Variants in HSD17B14 observed in about 807,000 individuals in gnomAD.
HSD17B14 encodes L-fucose dehydrogenase.
HSD17B14 carries 32 observed loss-of-function variants against 32.2 expected under a neutral mutation model. The observed-to-expected ratio is 0.99, with a 90% CI of 0.75 to 1.33. The LOEUF is 1.33. Among genes scored for constraint, HSD17B14 ranks in the 40% most tolerant of loss-of-function variants. The pLI is 0.00. For missense variants in HSD17B14, 370 were observed against 366.5 expected, an observed-to-expected ratio of 1.01 and a Z score of -0.08; for synonymous variants, 140 against 155.4, an observed-to-expected ratio of 0.90 and a Z score of 0.74.
chr19:48,833,857 G>A (rs2035394567), intron 3 of HSD17B14, among the ~76,000 whole-genome samples: 1 of 151,456 alleles, frequency 6.6e-6, no homozygotes, highest in South Asian at 2.1e-4. Flanking sequence ...GGGCATGGTG[G>A]CGCACACCTG....
intron 2 of HSD17B14, among the ~76,000 whole-genome samples, chr19:48,835,556 G>A (rs1269154784): frequency 5.5e-5 from 8 of 144,584 alleles, no homozygotes; most frequent in African/African-American, 2.1e-4. Context: ...AGGAGGTGCC[G>A]GAGCCTGGAC....
chr19:48,817,354 T>C (rs2035074718), intron 5 of HSD17B14, among the ~76,000 whole-genome samples: 1 of 150,540 alleles, frequency 6.6e-6, no homozygotes, highest in Non-Finnish European at 1.5e-5. Context: ...ATTTTTGTAT[T>C]TTTTAGTAGA....
intron 5 of HSD17B14, among the ~76,000 whole-genome samples, chr19:48,825,860 A>T (rs941772733): frequency 1.3e-5 from 2 of 151,420 alleles, no homozygotes; most frequent in African/African-American, 4.9e-5. Flanking sequence ...TTGCTCTGTC[A>T]CCCAGGCTGG....
chr19:48,834,421 T>G (rs547495933), intron 2 of HSD17B14, 63 bp from the exon 3 acceptor site: 4 of 978,364 alleles, frequency 4.1e-6, no homozygotes, highest in Non-Finnish European at 6.1e-6. Context: ...GGTTGGGGAC[T>G]TGGACTCCTG....
chr19:48,816,779 T>TTTTCTTTTTCTTTCTTTCTTTCTTTC (rs1555775883), intron 5 of HSD17B14, among the ~76,000 whole-genome samples: 1 of 122,180 alleles, frequency 8.2e-6, no homozygotes, highest in Non-Finnish European at 1.7e-5. Context: ...GCAAGACCCT[T>TTTTCTTTTTCTTTCTTTCTTTCTTTC]TTTCTTTCTT....
chr19:48,835,892 T>A, intron 1 of HSD17B14, 49 bp from the exon 2 acceptor site: 1 of 1,582,570 alleles, frequency 6.3e-7, no homozygotes, highest in East Asian at 2.2e-5. Context: ...GGTTAAAGCC[T>A]CTGCCGCCCT....
chr19:48,816,779 T>TTTTCTTTCTCTTTCTTTCTTTC (rs2035058113), intron 5 of HSD17B14, among the ~76,000 whole-genome samples: 3 of 122,180 alleles, frequency 2.5e-5, no homozygotes, highest in Non-Finnish European at 5.0e-5. Context: ...GCAAGACCCT[T>TTTTCTTTCTCTTTCTTTCTTTC]TTTCTTTCTT....
At position 48,832,651 on chromosome 19, in the gene HSD17B14, G is replaced by T; in HGVS notation, c.277+15C>A. On this transcript the variant is annotated intron_variant, in intron 4 of 8. Coordinates refer to ENST00000263278, the MANE Select transcript of HSD17B14 (RefSeq NM_016246.3). Reference sequence around the variant, plus strand: ...GGCAGGAGGTGGAGAATGGCCCTGGGGTCTCACAACTCACGGTGGCCAGCG... The same window carrying T: ...GGCAGGAGGTGGAGAATGGCCCTGGTGTCTCACAACTCACGGTGGCCAGCG... 6.2e-7 allele frequency: 1 copy of T among 1,611,094 alleles called. No individual in the cohort carries two copies.
At chr19:48,835,446 A>G (rs1170990136) in intron 2 of HSD17B14, among the ~76,000 whole-genome samples, 19 of 77,506 alleles carry the variant, frequency 2.5e-4, no homozygotes, top group Non-Finnish European at 1.8e-4. Context: ...AGGAGGTGCC[A>G]GAGCCTGGAC....
intron 5 of HSD17B14, among the ~76,000 whole-genome samples, chr19:48,825,604 T>TA (rs1432373021): frequency 2.0e-5 from 3 of 151,722 alleles, no homozygotes; most frequent in Admixed American, 6.6e-5. Flanking sequence ...TAAATATTGA[T>TA]AAGAGTTTCA....
chr19:48,834,713 A>G (rs374391105), intron 2 of HSD17B14, among the ~76,000 whole-genome samples: 46 of 43,640 alleles, frequency 1.1e-3, no homozygotes, highest in African/African-American at 2.5e-3. Context: ...AAGGGCTGGG[A>G]GCCTGGACTC....
chr19:48,823,892 A>G (rs2035199576), intron 5 of HSD17B14, among the ~76,000 whole-genome samples: 1 of 149,492 alleles, frequency 6.7e-6, no homozygotes, highest in South Asian at 2.2e-4. Context: ...CCGCCCGCCT[A>G]GGCCTCCCAA....
chr19:48,832,847 G>A lies in HSD17B14; in HGVS notation c.211-115C>T, dbSNP rs2035369121. On this transcript the variant is annotated intron_variant, in intron 3 of 8. Coordinates refer to ENST00000263278, the MANE Select transcript of HSD17B14 (RefSeq NM_016246.3). ...TGGCTCACTGCAACTTCAGCCTCCT[G>A]CGTTCAAGCAACTCTCCTACCTCAG... 8.3e-6 allele frequency: 7 copies of A among 845,024 alleles called. 1 individual carries two copies. The South Asian group carries it at 8.9e-5, about 11-fold the overall frequency. The allele number at this position is 845,024 out of a possible 1,614,324, so 52.3% of individuals were successfully genotyped here. A position where few individuals can be genotyped will look rare whatever the true frequency, so the allele number is the denominator to read the frequency against.
At chr19:48,819,900 C>A (rs2035117513) in intron 5 of HSD17B14, among the ~76,000 whole-genome samples, 1 of 152,200 alleles carries the variant, frequency 6.6e-6, no homozygotes, top group Admixed American at 6.5e-5. Flanking sequence ...GTAATCCCAG[C>A]ATCTGGGGAG....
At chr19:48,835,596 ACCTGGACTCCTGGGTCTGAGG>A (rs2035484517) in intron 2 of HSD17B14, among the ~76,000 whole-genome samples, 188 bp downstream of exon 2, 8 of 64,826 alleles carry the variant, frequency 1.2e-4, no homozygotes, top group Non-Finnish European at 1.6e-4. Flanking sequence ...GGGGCTGGGG[ACCTGGACTCCTGGGTCTGAGG>A]GCAGAGGGGC....
At chr19:48,816,578 C>G (rs902323581) in intron 5 of HSD17B14, among the ~76,000 whole-genome samples, 2 of 152,104 alleles carry the variant, frequency 1.3e-5, no homozygotes, top group Non-Finnish European at 2.9e-5. Context: ...GGGGACTTTC[C>G]TGGGTAAACA....
Position 48,834,377 on chromosome 19 carries a change from T to C in HSD17B14, c.128-19A>G. 1 of 1,594,132 alleles carries C rather than the reference T, an allele frequency of 6.3e-7. No homozygotes were observed. Among genetic ancestry groups the C allele is most frequent in the Non-Finnish European group, 8.6e-7 (1 of 1,164,634 alleles). ...CCAGACTCTGCAGGGAGAGAAGAGC[T>C]GGGAGCCTGGACCCCTGGGTCTCAG... On this transcript the variant is annotated intron_variant, in intron 2 of 8. Transcript: ENST00000263278.
At chr19:48,818,665 C>T (rs1263605511) in intron 5 of HSD17B14, among the ~76,000 whole-genome samples, 1 of 152,178 alleles carries the variant, frequency 6.6e-6, no homozygotes, top group African/African-American at 2.4e-5. Flanking sequence ...TGTCCTTCTC[C>T]CCACACCCCT....
intron 5 of HSD17B14, among the ~76,000 whole-genome samples, chr19:48,826,143 A>G (rs976202700): frequency 6.6e-6 from 1 of 152,008 alleles, no homozygotes; most frequent in Admixed American, 6.6e-5. Flanking sequence ...TTTCTAAGAG[A>G]AACAAGAAAT....
Sources: allele counts gnomAD v4.1 joint callset (sites outside exome capture counted in the v4.1 genomes callset), GRCh38; gene constraint gnomAD v4.1.1; transcripts MANE v1.5; gene names NCBI Gene and HGNC (gene_info 2026-07-23, HGNC 2026-07-21).